Variants in PERM1 observed in about 807,000 individuals in gnomAD.
PERM1 encodes PPARGC1 and ESRR induced regulator, muscle 1.
In PERM1, 45 loss-of-function variants were observed where a neutral mutation model predicts 44.1. That is an observed-to-expected ratio of 1.02 (90% CI 0.80 to 1.31). The LOEUF (loss-of-function observed/expected upper bound fraction) is 1.31. Among genes scored for constraint, PERM1 ranks in the 50% most tolerant of loss-of-function variants. PERM1 has a pLI of 0.00. For missense variants in PERM1, 1,189 were observed against 1,106.9 expected (o/e 1.07, Z -1.05); for synonymous variants, 565 against 477.1 (o/e 1.18, Z -2.40).
rs770166811 is a variant in PERM1, at chr1:980,053, C to G, written c.977G>C (p.Arg326Thr). 1.6e-4 allele frequency: 240 copies of G among 1,543,084 alleles called. 1 individual carries two copies. The African/African-American group carries it at 2.9e-3, about 19-fold the overall frequency. The change falls in exon 1 of 3, where the codon AGG (arginine) becomes ACG (threonine). Residue 326 changes from arginine to threonine, a missense_variant. Transcript: ENST00000433179. ...GGCAGGTGTAGACACAGCCATGTCC[C>G]TGTCAGATTGCGGCTCGGAGGCAGG...
upstream of PERM1, chr1:981,093 G>A (rs768246477): frequency 6.0e-5 from 93 of 1,548,200 alleles, no homozygotes; most frequent in Middle Eastern, 5.0e-4. Flanking sequence ...ATGGGTTCAG[G>A]CCCCGGGCAC....
At chr1:976,563 A>C (rs1382470921) in exon 2 of PERM1, 6 of 1,549,590 alleles carry the variant, frequency 3.9e-6, no homozygotes, top group Admixed American at 2.0e-5. Context: ...CAAAAGCTAC[A>C]AACACCAGGC....
Position 979,288 on chromosome 1 carries a change from G to C in PERM1, c.1742C>G (p.Pro581Arg), listed in dbSNP as rs546960804. The change falls in exon 1 of 3, where the codon CCG becomes CGG. Residue 581 changes from proline (P) to arginine (R), a missense_variant. Pro to Arg is a moderately radical substitution (Grantham distance 103). Transcript: ENST00000433179. The stretch of plus-strand genomic sequence containing the variant: ...ACAGAAGAAGAACTCGTAGGCCTCC[G>C]GGAGGGTCACGGCAAAGCTGCTCCC... The C allele has an allele frequency of 7.2e-5, 111 of 1,547,976 alleles. 2 individuals are homozygous for C. The South Asian group carries it at 1.3e-3, about 18-fold the overall frequency.
In PERM1 at chr1:979,004, GC is replaced by G; in HGVS notation, c.2025del (p.Pro676ArgfsTer31). 2 of 1,530,652 alleles carry G rather than the reference GC, an allele frequency of 1.3e-6. No homozygotes were observed. Among genetic ancestry groups the G allele is most frequent in the Non-Finnish European group, 1.8e-6 (2 of 1,134,552 alleles). 94.8% of individuals were successfully genotyped at this position (1,530,652 alleles called of 1,614,324 possible). On this transcript the variant is annotated frameshift_variant, in exon 1 of 3. Coordinates refer to ENST00000433179, the Ensembl canonical transcript of PERM1. LOFTEE classifies it high-confidence loss of function. ...GCCTGCAGTGGGAGCGGGACAGCCGGCCCCAGCACGCCCTCAAGCCTGTCCT... is the reference window on the plus strand; with the variant it reads ...GCCTGCAGTGGGAGCGGGACAGCCGGCCCAGCACGCCCTCAAGCCTGTCCT...
rs776525826 is a variant in PERM1 at position 980,298 on chromosome 1, C to A, written c.732G>T (p.Val244=). The change falls in exon 1 of 3, where the codon GTG becomes GTT. Residue 244 remains valine (V), a synonymous_variant. Transcript: ENST00000433179. ...AACCTGGCCCTGGTCTGTCTTCCTG[C>A]ACAGGGGACCTGGGGCCAGGCTCAG... is the stretch of plus-strand genomic sequence containing the variant. 1.2e-5 allele frequency: 18 copies of A among 1,550,336 alleles called. No individual in the cohort carries two copies. The South Asian group carries it at 1.8e-4, about 15-fold the overall frequency.
chr1:976,186 TG>T lies in PERM1; in HGVS notation c.2358del (p.Ser787AlafsTer57). The T allele has an allele frequency of 6.5e-7, 1 of 1,545,748 alleles. No homozygotes were observed. The highest frequency in any genetic ancestry group is 8.7e-7 in the Non-Finnish European group (1 of 1,145,146). On this transcript the variant is annotated frameshift_variant, in exon 3 of 3. Transcript: ENST00000433179. LOFTEE classifies it high-confidence loss of function. The stretch of plus-strand genomic sequence containing the variant: ...GGGCCTGGCTCCTAGGAGCTGGGGC[TG>T]GGGCTGTGGCTGCGGCGCCCTTGCC...
chr1:979,035 G>A (rs950072658), exon 1 of PERM1: 22 of 1,538,956 alleles, frequency 1.4e-5, no homozygotes, highest in South Asian at 6.0e-5. Context: ...TGTCCTCCCC[G>A]AAGAAGAAGT....
At chr1:979,173 G>A (rs1557658892) in exon 1 of PERM1, 3 of 1,550,000 alleles carry the variant, frequency 1.9e-6, no homozygotes, top group East Asian at 2.4e-5. Context: ...CGTCTGGGAA[G>A]AAGAACTCGC....
intron 1 of PERM1, among the ~76,000 whole-genome samples, chr1:978,380 G>C (rs1383196433): frequency 6.6e-6 from 1 of 151,480 alleles, no homozygotes; most frequent in Non-Finnish European, 1.5e-5. Flanking sequence ...CCCGGGAACC[G>C]CCTGCCCCGG....
exon 1 of PERM1, chr1:979,346 G>A: frequency 6.6e-7 from 1 of 1,517,642 alleles, no homozygotes; most frequent in Non-Finnish European, 8.8e-7. Flanking sequence ...GAGGGAGGGG[G>A]GCGAGGCAGG....
At chr1:980,804 C>T in exon 1 of PERM1, 1 of 1,399,470 alleles carries the variant, frequency 7.1e-7, no homozygotes, top group Non-Finnish European at 9.2e-7. Context: ...ACGTCCTCCT[C>T]CTCGCAGCCC....
chr1:981,011 T>A, exon 1 of PERM1: 12 of 1,527,692 alleles, frequency 7.9e-6, no homozygotes, highest in Non-Finnish European at 1.1e-5. Flanking sequence ...AGCTGGACGC[T>A]GTACTGGAAA....
In PERM1 at chr1:978,871, G is replaced by C; in HGVS notation, c.2149+10C>G. 1.4e-6 allele frequency: 2 copies of C among 1,464,458 alleles called. No individual in the cohort carries two copies. The highest frequency in any genetic ancestry group is 1.4e-5 in the South Asian group (1 of 71,202). The allele number at this position is 1,464,458 out of a possible 1,614,324, so 90.7% of individuals were successfully genotyped here. On this transcript the variant is annotated intron_variant, in intron 1 of 2. Coordinates refer to ENST00000433179, the Ensembl canonical transcript of PERM1. ...GATCTGGACGGGCTGTGGGATCCGAGAGCACGTACCTGCCCGTCTAAGAGC... is the reference window on the plus strand; with the variant it reads ...GATCTGGACGGGCTGTGGGATCCGACAGCACGTACCTGCCCGTCTAAGAGC...
chr1:976,643 T>A lies in PERM1; in HGVS notation c.2150-19A>T. On this transcript the variant is annotated intron_variant, in intron 1 of 2. Coordinates refer to ENST00000433179, the Ensembl canonical transcript of PERM1. ...AGCTCCCCTAGGACAGAAGCTCACC[T>A]TCAGCCCCACGGCTGCACTCAGAGA... The A allele has an allele frequency of 1.3e-6, 2 of 1,548,144 alleles. No individual in the cohort carries two copies. Among genetic ancestry groups the A allele is most frequent in the Non-Finnish European group, 1.7e-6 (2 of 1,145,656 alleles).
At chr1:976,298 G>A (rs776694890) in intron 2 of PERM1, 29 bp from the exon 4 acceptor site, 20 of 1,474,702 alleles carry the variant, frequency 1.4e-5, no homozygotes, top group Middle Eastern at 1.8e-4. Context: ...CTCTTCTGAG[G>A]GCCAGCCTGG....
chr1:981,513 G>T (rs867186593), upstream of PERM1, among the ~76,000 whole-genome samples: 21 of 152,348 alleles, frequency 1.4e-4, no homozygotes, highest in South Asian at 2.7e-3. Context: ...GGGGTGGGCA[G>T]CCCTGGTCCA....
At position 980,133 on chromosome 1, in the gene PERM1, A is replaced by G. The variant is rs1317810726; in HGVS notation, c.897T>C (p.Ala299=). The G allele has an allele frequency of 2.6e-6, 4 of 1,550,322 alleles. No homozygotes were observed. In the African/African-American group the frequency reaches 5.5e-5, roughly 21 times the overall value. Residue 299 remains alanine (A), a synonymous_variant, in exon 1 of 3, where the codon GCT becomes GCC. Coordinates refer to ENST00000433179, the Ensembl canonical transcript of PERM1. ...GCGGCTCGGAGGCAGGTGTAGACACAGCCATGTCTGACTTAGCCCTTGAGA... is the reference window on the plus strand; with the variant it reads ...GCGGCTCGGAGGCAGGTGTAGACACGGCCATGTCTGACTTAGCCCTTGAGA...
exon 3 of PERM1, chr1:975,862 A>C (rs908609950): frequency 2.2e-5 from 8 of 369,076 alleles, no homozygotes; most frequent in East Asian, 4.9e-5. Context: ...TGACCTCCCC[A>C]CTATTGCCTG....
chr1:979,341 A>T, exon 1 of PERM1: 1 of 1,519,568 alleles, frequency 6.6e-7, no homozygotes, highest in South Asian at 1.3e-5. Flanking sequence ...CGGCAGAGGG[A>T]GGGGGGCGAG....
Sources: gnomAD v4.1 joint callset for allele counts (sites outside exome capture counted in the v4.1 genomes callset) on GRCh38, gnomAD v4.1.1 for gene constraint, MANE v1.5 for transcripts, NCBI Gene and HGNC (gene_info 2026-07-23, HGNC 2026-07-21) for gene names.